KIF13B: variants seen among roughly 807,000 people sequenced by gnomAD.
KIF13B encodes kinesin family member 13B.
KIF13B carries 127 observed loss-of-function variants against 222.0 expected under a neutral mutation model. That is an observed-to-expected ratio of 0.57 (90% CI 0.50 to 0.66). The LOEUF is 0.66. Ranked by LOEUF, KIF13B falls within the 30% of genes least tolerant of loss-of-function variation. KIF13B has a pLI of 0.00. For missense variants in KIF13B, 2,173 were observed against 2,379.0 expected, an observed-to-expected ratio of 0.91 and a Z score of 1.80; for synonymous variants, 976 against 919.0, an observed-to-expected ratio of 1.06 and a Z score of -1.12.
chr8:29,214,348 T>C (rs1197702648), intron 2 of KIF13B, among the ~76,000 whole-genome samples: 1 of 152,224 alleles, frequency 6.6e-6, no homozygotes, highest in Non-Finnish European at 1.5e-5. Flanking sequence ...TTTATATCCT[T>C]ATTCTAGAAG....
chr8:29,186,530 C>T (rs1812936535), intron 5 of KIF13B, 58 bp from the exon 6 acceptor site: 13 of 1,404,650 alleles, frequency 9.3e-6, no homozygotes, highest in Non-Finnish European at 1.2e-5. Context: ...ATACATAACC[C>T]TCTTTCCGTT....
chr8:29,075,424 G>A (rs1807511871), intron 37 of KIF13B, 81 bp from the exon 38 acceptor site: 5 of 1,294,286 alleles, frequency 3.9e-6, no homozygotes, highest in Non-Finnish European at 4.3e-6. Flanking sequence ...CAGGCTGGAG[G>A]GCCAGGACCT....
chr8:29,161,464 G>A (rs1016736378), intron 12 of KIF13B, among the ~76,000 whole-genome samples: 1 of 152,210 alleles, frequency 6.6e-6, no homozygotes, highest in Non-Finnish European at 1.5e-5. Flanking sequence ...CAGCACTGTG[G>A]GAGGCCAAGG....
upstream of KIF13B, chr8:29,263,071 G>T: frequency 1.3e-6 from 2 of 1,553,716 alleles, no homozygotes; most frequent in Non-Finnish European, 1.7e-6. Context: ...GCTTCCGTCT[G>T]CCGCGGCCAC....
intron 2 of KIF13B, among the ~76,000 whole-genome samples, chr8:29,225,549 A>G (rs1814983532): frequency 6.6e-6 from 1 of 152,206 alleles, no homozygotes; most frequent in African/African-American, 2.4e-5. Flanking sequence ...ACAGGTGAAA[A>G]AAACTTTCCA....
At chr8:29,094,351 A>G (rs1227655281) in intron 36 of KIF13B, among the ~76,000 whole-genome samples, 1 of 152,262 alleles carries the variant, frequency 6.6e-6, no homozygotes, top group African/African-American at 2.4e-5. Context: ...CTACTCTACA[A>G]GAACCTAGTT....
chr8:29,196,225 A>G (rs1291286917), intron 2 of KIF13B, 26 bp from the exon 3 acceptor site: 1 of 1,530,614 alleles, frequency 6.5e-7, no homozygotes. Context: ...AGATGTCATC[A>G]TTGACGTGAA....
rs17526980 is a variant in KIF13B at position 29,092,792 on chromosome 8, C to T, written c.4411G>A (p.Val1471Ile). ...CGCTTGCCCCTCTTCTCATCGCGGA[C>T]GGGAAAGAGAGACTTGAGGAGCTTT... Reference protein sequence around the residue: ...MPKLLKSLFPVRDEKRGKRPS... With the variant: ...MPKLLKSLFPIRDEKRGKRPS... The change falls in exon 37 of 40, where the codon GTC becomes ATC. Residue 1471 changes from valine (V) to isoleucine (I), a missense_variant. Val to Ile is a conservative substitution (Grantham distance 29, BLOSUM62 3). Coordinates refer to ENST00000524189, the MANE Select transcript of KIF13B (RefSeq NM_015254.4). 0.03 allele frequency: 48,023 copies of T among 1,613,020 alleles called. 942 individuals carry two copies. The highest frequency in any genetic ancestry group is 0.036 in the Non-Finnish European group (42,809 of 1,179,440).
chr8:29,259,238 T>C (rs1043716538), intron 1 of KIF13B, among the ~76,000 whole-genome samples: 6 of 152,182 alleles, frequency 3.9e-5, no homozygotes, highest in East Asian at 1.9e-4. Context: ...TTGACTCTAT[T>C]AGACATTATT....
chr8:29,080,396 C>T (rs920345455), intron 37 of KIF13B, among the ~76,000 whole-genome samples: 1 of 149,266 alleles, frequency 6.7e-6, no homozygotes, highest in African/African-American at 2.5e-5. Flanking sequence ...AATAGAAACA[C>T]TTTTCTAAGG....
At chr8:29,198,908 G>A (rs1356677411) in intron 2 of KIF13B, among the ~76,000 whole-genome samples, 1 of 152,048 alleles carries the variant, frequency 6.6e-6, no homozygotes, top group Non-Finnish European at 1.5e-5. Context: ...ACGGACTTTG[G>A]AGACTCAGAA....
In KIF13B at chr8:29,071,965, G is replaced by C; in HGVS notation, c.4873C>G (p.Gln1625Glu). ...AVPAEEPPGP[Q>E]QLVSPGRERP... ...TCCCGACCGGGGCTCACGAGCTGCT[G>C]GGGGCCAGGGGGCTCCTCGGCGGGG... The change falls in exon 39 of 40, where the codon CAG becomes GAG. Residue 1625 changes from glutamine to glutamate, a missense_variant. This residue lies in a region of KIF13B where 693 missense variants were observed against 656.2 expected (regional missense o/e 1.06). Transcript: ENST00000524189. This position sits in a 1 kb window ranked among gnomAD's most constrained non-coding sequence, Gnocchi z 4.9. The C allele has an allele frequency of 7.6e-7, 1 of 1,324,332 alleles. No homozygotes were observed. The highest frequency in any genetic ancestry group is 9.6e-7 in the Non-Finnish European group (1 of 1,041,404). 82.0% of individuals were successfully genotyped at this position (1,324,332 alleles called of 1,614,324 possible). A position where few individuals can be genotyped will look rare whatever the true frequency, so the allele number is the denominator to read the frequency against.
At chr8:29,111,492 T>G (rs189991351) in intron 32 of KIF13B, among the ~76,000 whole-genome samples, 11 of 152,384 alleles carry the variant, frequency 7.2e-5, no homozygotes, top group Non-Finnish European at 1.5e-4. Context: ...ATGTTTCATT[T>G]TGCCTTTATC....
intron 2 of KIF13B, among the ~76,000 whole-genome samples, chr8:29,233,331 T>C (rs1402433348): frequency 4.6e-5 from 7 of 152,224 alleles, no homozygotes; most frequent in African/African-American, 1.7e-4. Context: ...GTTACATTTC[T>C]TGGCATTCTA....
chr8:29,109,828 G>C, intron 33 of KIF13B, 90 bp downstream of exon 33: 4 of 1,261,058 alleles, frequency 3.2e-6, no homozygotes, highest in Non-Finnish European at 4.4e-6. Context: ...CAAATGTTAG[G>C]TGCAACAACA....
Position 29,110,069 on chromosome 8 carries a change from T to C in KIF13B, c.3932A>G (p.Asp1311Gly), listed in dbSNP as rs1310260663. 4 of 1,555,494 alleles carry C rather than the reference T, an allele frequency of 2.6e-6. No individual in the cohort carries two copies. The highest frequency in any genetic ancestry group is 3.5e-6 in the Non-Finnish European group (4 of 1,149,056). ...TTCCCGTTCTTCCACTCCCTGGGCATCCTGAGCAGTGGAAAGTTATACATT... is the reference window on the plus strand; with the variant it reads ...TTCCCGTTCTTCCACTCCCTGGGCACCCTGAGCAGTGGAAAGTTATACATT... Reference protein sequence around the residue: ...TFEIVSNIPEDAQGVEEREAL... With the variant: ...TFEIVSNIPEGAQGVEEREAL... Residue 1311 changes from aspartate (D) to glycine (G), a missense_variant and splice_region_variant, in exon 33 of 40, where the codon GAT becomes GGT. Physicochemically the swap from Asp to Gly is moderately conservative, Grantham distance 94 (BLOSUM62 -1). Coordinates refer to ENST00000524189, the MANE Select transcript of KIF13B (RefSeq NM_015254.4).
rs959508423 is a variant in KIF13B at position 29,068,955 on chromosome 8, G to A, written c.*1549C>T. ...CTCTGCCAGCCCGGCCGCAGCCTTC[G>A]TGTCCCTCGCCAACTGGGGAGAGAA... On this transcript the variant is annotated 3_prime_UTR_variant, in exon 40 of 40. Coordinates refer to ENST00000524189, the MANE Select transcript of KIF13B (RefSeq NM_015254.4). The surrounding 1 kb of genome is among the most constrained non-coding windows in gnomAD (Gnocchi z 4.4). 14 of 152,122 alleles carry A rather than the reference G, an allele frequency of 9.2e-5. No homozygotes were observed. The highest frequency in any genetic ancestry group is 2.4e-4 in the African/African-American group (10 of 41,400). The allele number at this position is 152,122 out of a possible 1,614,324, so 9.4% of individuals were successfully genotyped here.
chr8:29,116,363 G>A (rs1462758875), intron 31 of KIF13B, among the ~76,000 whole-genome samples: 1 of 152,154 alleles, frequency 6.6e-6, no homozygotes, highest in East Asian at 1.9e-4. Context: ...CAGCTACCGG[G>A]GAGGCTGAGA....
intron 18 of KIF13B, among the ~76,000 whole-genome samples, chr8:29,144,773 C>G (rs1175305078): frequency 6.6e-6 from 1 of 152,152 alleles, no homozygotes; most frequent in East Asian, 1.9e-4. Context: ...GAGAAGAGTT[C>G]ACAGAATGGA....
Sources: allele counts gnomAD v4.1 joint callset (sites outside exome capture counted in the v4.1 genomes callset), GRCh38; gene constraint gnomAD v4.1.1; regional missense constraint gnomAD v4.1.1; non-coding constraint Gnocchi (gnomAD v3.1); transcripts MANE v1.5; gene names NCBI Gene and HGNC (gene_info 2026-07-23, HGNC 2026-07-21).